Variants in FANCL observed in about 807,000 individuals in gnomAD.
FANCL encodes the protein FA complementation group L, also known as E3 ubiquitin-protein ligase FANCL.
Under a neutral mutation model 59.4 loss-of-function variants are expected in FANCL, and 69 were observed. That is an observed-to-expected ratio of 1.16 (90% CI 0.96 to 1.42). FANCL has a LOEUF of 1.42. Ranked by LOEUF, FANCL falls within the 40% of genes most tolerant of loss-of-function variation. FANCL has a pLI of 0.00. For synonymous variants in FANCL, 180 were observed against 147.1 expected, an observed-to-expected ratio of 1.22 and a Z score of -1.62; for missense variants, 519 against 447.2, an observed-to-expected ratio of 1.16 and a Z score of -1.45.
intron 5 of FANCL, among the ~76,000 whole-genome samples, chr2:58,207,411 G>T (rs1474216113): frequency 6.6e-6 from 1 of 152,140 alleles, no homozygotes; most frequent in Non-Finnish European, 1.5e-5. Context: ...AAATGTAAAT[G>T]TCAATAGCCA....
At chr2:58,193,948 C>G (rs992752718) in intron 7 of FANCL, among the ~76,000 whole-genome samples, 1 of 152,014 alleles carries the variant, frequency 6.6e-6, no homozygotes, top group African/African-American at 2.4e-5. Context: ...CTTAGAATAC[C>G]CAAATGCTAG....
At chr2:58,183,212 A>C (rs1688092741) in intron 7 of FANCL, among the ~76,000 whole-genome samples, 1 of 151,934 alleles carries the variant, frequency 6.6e-6, no homozygotes, top group Admixed American at 6.6e-5. Flanking sequence ...TAATAGAAAA[A>C]AATGAATAAA....
chr2:58,161,755 T>G (rs897216485), intron 11 of FANCL, 117 bp from the exon 12 acceptor site: 3 of 697,294 alleles, frequency 4.3e-6, no homozygotes, highest in Middle Eastern at 3.8e-4. Context: ...AATGATGACA[T>G]CAGGATAATT....
chr2:58,241,337 G>GAA (rs1397426803), upstream of FANCL: 1 of 1,611,956 alleles, frequency 6.2e-7, no homozygotes, highest in Non-Finnish European at 8.5e-7. Flanking sequence ...GAGAAACACA[G>GAA]AAAAGCTCTA....
chr2:58,226,831 C>G, intron 3 of FANCL, 47 bp from the exon 4 acceptor site: 1 of 1,510,802 alleles, frequency 6.6e-7, no homozygotes, highest in East Asian at 2.3e-5. Context: ...AATAAATATT[C>G]TATCCACTAA....
intron 1 of FANCL, among the ~76,000 whole-genome samples, chr2:58,233,132 T>C (rs1693732307): frequency 6.6e-6 from 1 of 152,092 alleles, no homozygotes; most frequent in African/African-American, 2.4e-5. Flanking sequence ...AATTCACTGT[T>C]TCATTAAAGC....
intron 7 of FANCL, among the ~76,000 whole-genome samples, chr2:58,173,042 G>T (rs183144578): frequency 3.9e-5 from 6 of 152,256 alleles, no homozygotes; most frequent in Admixed American, 3.9e-4. Context: ...TATCAGTGAC[G>T]GAAGATGAAG....
At chr2:58,209,526 T>C (rs1475080647) in intron 5 of FANCL, among the ~76,000 whole-genome samples, 2 of 152,144 alleles carry the variant, frequency 1.3e-5, no homozygotes, top group Non-Finnish European at 2.9e-5. Flanking sequence ...CAAAAAATTA[T>C]CATTATTGGT....
At chr2:58,175,299 T>A (rs1377914510) in intron 7 of FANCL, among the ~76,000 whole-genome samples, 1 of 148,580 alleles carries the variant, frequency 6.7e-6, no homozygotes, top group Non-Finnish European at 1.5e-5. Context: ...CCAGCATCAT[T>A]CTGATACCAA....
Position 58,184,581 on chromosome 2 carries a change from T to G in FANCL, c.540+14013A>C, listed in dbSNP as rs189443589. 2.0e-3 allele frequency among the ~76,000 whole-genome samples: 298 copies of G among 151,786 alleles called. 4 individuals carry two copies. Among genetic ancestry groups the G allele is most frequent in the African/African-American group, 6.5e-3 (268 of 41,432 alleles). ...TCTGTTTTGTGCATACATACAATAA[T>G]AAGAATAAGGAAATGAATAAAAATA... On this transcript the variant is annotated intron_variant, in intron 7 of 13. Transcript: ENST00000233741.
At chr2:58,211,881 C>G (rs1691199976) in intron 5 of FANCL, among the ~76,000 whole-genome samples, 1 of 151,284 alleles carries the variant, frequency 6.6e-6, no homozygotes, top group South Asian at 2.1e-4. Flanking sequence ...GTCCATATCA[C>G]CATCAGCATT....
intron 4 of FANCL, among the ~76,000 whole-genome samples, chr2:58,226,004 A>G (rs1475771581): frequency 6.6e-6 from 1 of 152,054 alleles, no homozygotes; most frequent in Non-Finnish European, 1.5e-5. Flanking sequence ...ATATTTAAAA[A>G]CAGATAAAAA....
chr2:58,229,480 T>C (rs1022453565), intron 3 of FANCL, among the ~76,000 whole-genome samples: 13 of 152,226 alleles, frequency 8.5e-5, no homozygotes, highest in African/African-American at 2.9e-4. Flanking sequence ...TTGCCACAGA[T>C]ATCCCACAGC....
chr2:58,199,149 T>C lies in FANCL; in HGVS notation c.472-487A>G, dbSNP rs563768937. Among the ~76,000 whole-genome samples the C allele has an allele frequency of 9.8e-5, 15 of 152,306 alleles. No individual in the cohort carries two copies. In the East Asian group the frequency reaches 2.1e-3, roughly 22 times the overall value. ...CATAGTGATGTGAAGAGCTTATTTATAGTCAACCTATGGAGGTGCAAGTTT... is the reference window on the plus strand; with the variant it reads ...CATAGTGATGTGAAGAGCTTATTTACAGTCAACCTATGGAGGTGCAAGTTT... On this transcript the variant is annotated intron_variant, in intron 6 of 13. Transcript: ENST00000233741.
chr2:58,188,805 C>T (rs577233560), intron 7 of FANCL, among the ~76,000 whole-genome samples: 8 of 151,028 alleles, frequency 5.3e-5, no homozygotes, highest in Non-Finnish European at 8.8e-5. Context: ...ATTTTGATTG[C>T]GAATGCATTG....
intron 7 of FANCL, among the ~76,000 whole-genome samples, chr2:58,180,364 A>C (rs1687808882): frequency 6.6e-6 from 1 of 152,200 alleles, no homozygotes; most frequent in Non-Finnish European, 1.5e-5. Context: ...TGTGGTACAT[A>C]TACACCATGG....
intron 7 of FANCL, among the ~76,000 whole-genome samples, chr2:58,187,111 C>CA (rs1688476764): frequency 6.6e-6 from 1 of 152,116 alleles, no homozygotes; most frequent in Non-Finnish European, 1.5e-5. Context: ...AAAACACATG[C>CA]ACACATATGT....
intron 7 of FANCL, among the ~76,000 whole-genome samples, chr2:58,186,661 T>C (rs868054286): frequency 6.6e-6 from 1 of 152,202 alleles, no homozygotes; most frequent in Admixed American, 6.5e-5. Flanking sequence ...GGATTCAGTC[T>C]CTCACACTTA....
At chr2:58,186,616 C>T (rs2098344) in intron 7 of FANCL, among the ~76,000 whole-genome samples, 58,823 of 152,064 alleles carry the variant, frequency 0.39, 16,224 homozygotes, top group African/African-American at 0.79. Flanking sequence ...CATTTTTTTC[C>T]GGCTTCCATG....
Sources: allele counts gnomAD v4.1 joint callset (sites outside exome capture counted in the v4.1 genomes callset), GRCh38; gene constraint gnomAD v4.1.1; transcripts MANE v1.5; gene names NCBI Gene and HGNC (gene_info 2026-07-23, HGNC 2026-07-21).